FBXL7: variants seen among roughly 807,000 people sequenced by gnomAD.
FBXL7 encodes F-box and leucine rich repeat protein 7.
FBXL7 carries 12 observed loss-of-function variants against 38.3 expected under a neutral mutation model. That is an observed-to-expected ratio of 0.31 (90% CI 0.20 to 0.51). The LOEUF (loss-of-function observed/expected upper bound fraction) is 0.51. Among genes scored for constraint, FBXL7 ranks in the 20% least tolerant of loss-of-function variants. FBXL7 has a pLI of 0.98. For synonymous variants in FBXL7, 297 were observed against 300.9 expected (o/e 0.99, Z 0.13); for missense variants, 567 against 676.4 (o/e 0.84, Z 1.79).
At chr5:15,677,523 AAAGG>A (rs1473467736) in intron 2 of FBXL7, among the ~76,000 whole-genome samples, 1 of 151,454 alleles carries the variant, frequency 6.6e-6, no homozygotes, top group African/African-American at 2.4e-5. Context: ...AAGAAGGAGA[AAAGG>A]AGGGAGGGAG....
Position 15,658,180 on chromosome 5 carries a change from G to A in FBXL7, c.127+42108G>A, listed in dbSNP as rs572390275. 1.4e-3 allele frequency among the ~76,000 whole-genome samples: 210 copies of A among 152,240 alleles called. 3 individuals are homozygous for A. Among genetic ancestry groups the A allele is most frequent in the Middle Eastern group, 6.8e-3 (2 of 292 alleles). ...TGTGGAACAAGATGCATCAGAGTAGGAATATTTTCTCCAGCTTTAGATCCA... is the reference window on the plus strand; with the variant it reads ...TGTGGAACAAGATGCATCAGAGTAGAAATATTTTCTCCAGCTTTAGATCCA... On this transcript the variant is annotated intron_variant, in intron 2 of 3. Coordinates refer to ENST00000504595, the MANE Select transcript of FBXL7 (RefSeq NM_012304.5).
intron 1 of FBXL7, among the ~76,000 whole-genome samples, chr5:15,541,176 C>T (rs976649157): frequency 1.3e-5 from 2 of 151,418 alleles, no homozygotes; most frequent in African/African-American, 2.4e-5. Context: ...CCCAAATCCT[C>T]CAGCATGAAT....
intron 1 of FBXL7, among the ~76,000 whole-genome samples, chr5:15,516,955 T>C (rs1736957930): frequency 6.6e-6 from 1 of 152,214 alleles, no homozygotes; most frequent in African/African-American, 2.4e-5. Flanking sequence ...CTTGGGTATG[T>C]CTTTATTAGC....
intron 2 of FBXL7, among the ~76,000 whole-genome samples, chr5:15,734,707 A>C (rs1047991053): frequency 6.6e-6 from 1 of 152,214 alleles, no homozygotes; most frequent in Non-Finnish European, 1.5e-5. Context: ...AGAAGGACTT[A>C]TGATACATAT....
At chr5:15,553,097 AAAAAACCCAACCAAAC>A (rs1738132908) in intron 1 of FBXL7, among the ~76,000 whole-genome samples, 1 of 150,956 alleles carries the variant, frequency 6.6e-6, no homozygotes, top group Non-Finnish European at 1.5e-5. Context: ...AAAAAACAAA[AAAAAACCCAACCAAAC>A]AAAAACCCCC....
At chr5:15,666,415 A>G (rs1489603598) in intron 2 of FBXL7, among the ~76,000 whole-genome samples, 2 of 152,336 alleles carry the variant, frequency 1.3e-5, no homozygotes, top group Admixed American at 6.5e-5. Context: ...TATTTCTGCA[A>G]CAACTTTGTG....
At chr5:15,895,532 ATT>A (rs1287874367) in intron 2 of FBXL7, among the ~76,000 whole-genome samples, 1 of 149,768 alleles carries the variant, frequency 6.7e-6, no homozygotes, top group African/African-American at 2.5e-5. Context: ...CTTAGTGAAT[ATT>A]TCATTTGCAA....
At chr5:15,699,678 T>G (rs1743462545) in intron 2 of FBXL7, among the ~76,000 whole-genome samples, 1 of 152,168 alleles carries the variant, frequency 6.6e-6, no homozygotes, top group Non-Finnish European at 1.5e-5. Flanking sequence ...AACTGATCCA[T>G]CCAGACTTTC....
chr5:15,704,587 A>G (rs960720985), intron 2 of FBXL7, among the ~76,000 whole-genome samples: 11 of 152,182 alleles, frequency 7.2e-5, no homozygotes, highest in Admixed American at 5.9e-4. Flanking sequence ...AAAATTTCCC[A>G]TCTCCTACTG....
At chr5:15,692,323 G>T (rs1388756057) in intron 2 of FBXL7, among the ~76,000 whole-genome samples, 10 of 152,124 alleles carry the variant, frequency 6.6e-5, no homozygotes, top group African/African-American at 1.9e-4. Flanking sequence ...ATTAGCCCTT[G>T]TTATTAGCAA....
chr5:15,927,880 C>A lies in FBXL7; in HGVS notation c.128-10C>A, dbSNP rs1266881394. On this transcript the variant is annotated splice_polypyrimidine_tract_variant and intron_variant, in intron 2 of 3. Transcript: ENST00000504595. ...ATCATGATTAACCTTTGTTCTCTGT[C>A]CTTTGCCAGACTCCGACCTGAGCAT... 2.0e-6 allele frequency: 3 copies of A among 1,515,226 alleles called. No individual in the cohort carries two copies. Among genetic ancestry groups the A allele is most frequent in the Middle Eastern group, 1.8e-4 (1 of 5,608 alleles). 93.9% of individuals were successfully genotyped at this position (1,515,226 alleles called of 1,614,324 possible).
chr5:15,849,118 T>C (rs1473003148), intron 2 of FBXL7, among the ~76,000 whole-genome samples: 2 of 152,248 alleles, frequency 1.3e-5, no homozygotes, highest in African/African-American at 4.8e-5. Flanking sequence ...AAAACCTTAA[T>C]AGGCTTCACC....
At chr5:15,919,406 T>C (rs1006179828) in intron 2 of FBXL7, among the ~76,000 whole-genome samples, 1 of 148,720 alleles carries the variant, frequency 6.7e-6, no homozygotes, top group African/African-American at 2.5e-5. Flanking sequence ...CCAAGACTTT[T>C]GAAACCATGA....
At chr5:15,887,739 C>T (rs1037769002) in intron 2 of FBXL7, among the ~76,000 whole-genome samples, 18 of 152,226 alleles carry the variant, frequency 1.2e-4, no homozygotes, top group Admixed American at 1.2e-3. Flanking sequence ...ATAATACAGC[C>T]CTTTTATGGA....
intron 2 of FBXL7, among the ~76,000 whole-genome samples, chr5:15,799,927 G>GTTT (rs61099822): frequency 4.0e-5 from 6 of 151,308 alleles, no homozygotes; most frequent in South Asian, 2.1e-4. Context: ...GTCATAAAGT[G>GTTT]TTTTTTTTTA....
intron 2 of FBXL7, among the ~76,000 whole-genome samples, chr5:15,852,393 G>T (rs1412382745): frequency 1.3e-5 from 2 of 152,154 alleles, no homozygotes; most frequent in Non-Finnish European, 2.9e-5. Context: ...TGTGCAAGTG[G>T]TCAGAAGTCA....
intron 1 of FBXL7, among the ~76,000 whole-genome samples, chr5:15,595,391 G>A (rs890602085): frequency 5.9e-5 from 9 of 152,110 alleles, no homozygotes; most frequent in African/African-American, 7.2e-5. Flanking sequence ...ACGAGTGTGG[G>A]GAATTGCAGG....
intron 2 of FBXL7, among the ~76,000 whole-genome samples, chr5:15,617,439 ATTTATTTAT>A: frequency 7.9e-6 from 1 of 125,918 alleles, no homozygotes; most frequent in Admixed American, 7.9e-5. Context: ...TTATTTATTT[ATTTATTTAT>A]TTATTTATTT....
chr5:15,855,013 T>C (rs1443710492), intron 2 of FBXL7, among the ~76,000 whole-genome samples: 1 of 152,144 alleles, frequency 6.6e-6, no homozygotes, highest in Non-Finnish European at 1.5e-5. Context: ...TTTCCTCATA[T>C]TAGAAACAAG....
Sources: gnomAD v4.1 joint callset for allele counts (sites outside exome capture counted in the v4.1 genomes callset) on GRCh38, gnomAD v4.1.1 for gene constraint, MANE v1.5 for transcripts, NCBI Gene and HGNC (gene_info 2026-07-23, HGNC 2026-07-21) for gene names.